THNSL2: variants seen among roughly 807,000 people sequenced by gnomAD.
THNSL2 encodes threonine synthase like 2, also known as threonine synthase-like 2.
THNSL2 carries 34 observed loss-of-function variants against 40.0 expected under a neutral mutation model. That is an observed-to-expected ratio of 0.85 (90% CI 0.65 to 1.13). THNSL2 has a LOEUF of 1.13. Among genes scored for constraint, THNSL2 ranks in the 50% most tolerant of loss-of-function variants. The probability of loss-of-function intolerance (pLI) is 0.00; values close to 1 mark genes in which losing one functional copy is unlikely to be tolerated. For missense variants in THNSL2, 537 were observed against 608.8 expected (o/e 0.88, Z 1.24); for synonymous variants, 241 against 247.5 (o/e 0.97, Z 0.25).
At chr2:88,176,290 A>C (rs1383583562) in intron 4 of THNSL2, 2 of 152,206 alleles carry the variant, frequency 1.3e-5, no homozygotes, top group Non-Finnish European at 2.9e-5. Flanking sequence ...AGAAAGGCAA[A>C]AGCCATCTTT....
rs1676221899 is a variant in THNSL2 at position 88,170,389 on chromosome 2, G to C, written c.-80G>C. 2 of 145,304 alleles carry C rather than the reference G, an allele frequency of 1.4e-5. No homozygotes were observed. Among genetic ancestry groups the C allele is most frequent in the African/African-American group, 5.4e-5 (2 of 36,816 alleles). The allele number at this position is 145,304 out of a possible 1,614,324, so 9.0% of individuals were successfully genotyped here. A position where few individuals can be genotyped will look rare whatever the true frequency, so the allele number is the denominator to read the frequency against. On this transcript the variant is annotated 5_prime_UTR_variant, in exon 1 of 9. Transcript: ENST00000674334. ...TCGGGAGTGCGCACATTCGCAGCCC[G>C]GGCAGCCCTGCTGCGCACCGGGCCT...
In THNSL2 at chr2:88,185,360, G is replaced by A. The variant is rs1012608634; in HGVS notation, c.1110G>A (p.Ser370=). ...AGGCAGTGACATCCGTGTCAGTGTC[G>A]GATGAAGCCATCACCCAGACCATGG... The part of the protein sequence containing the change: ...LSEAVTSVSV[S]DEAITQTMGR... Residue 370 remains serine, a synonymous_variant, in exon 8 of 9, where the codon TCG becomes TCA. Coordinates refer to ENST00000674334, the MANE Select transcript of THNSL2 (RefSeq NM_018271.5). 3.2e-5 allele frequency: 51 copies of A among 1,613,776 alleles called. No homozygotes were observed. The highest frequency in any genetic ancestry group is 1.6e-4 in the Middle Eastern group (1 of 6,084).
rs761319469 is a variant in THNSL2 at position 88,174,708 on chromosome 2, G to A, written c.293G>A (p.Gly98Glu). The A allele has an allele frequency of 3.1e-6, 5 of 1,614,192 alleles. No individual in the cohort carries two copies. The Admixed American group carries it at 6.7e-5, about 22-fold the overall frequency. Residue 98 changes from glycine to glutamate, a missense_variant, in exon 3 of 9, where the codon GGG (glycine) becomes GAG (glutamate). Coordinates refer to ENST00000674334, the MANE Select transcript of THNSL2 (RefSeq NM_018271.5). ...GTCCATCTGTCCAGGTTGAGGAATGGGCTGAACGTGTTGGAGCTGTGGCAT... is the reference window on the plus strand; with the variant it reads ...GTCCATCTGTCCAGGTTGAGGAATGAGCTGAACGTGTTGGAGCTGTGGCAT... ...EVVHLSRLRN[G>E]LNVLELWHGV... is the part of the protein sequence containing the mutation.
At position 88,170,352 on chromosome 2, in the gene THNSL2, A is replaced by T. The variant is rs1179639503; in HGVS notation, c.-117A>T. ...CGACCGGAAGCCCCACCGCACCGTC[A>T]GGGACGCGGACTCGGGAGTGCGCAC... On this transcript the variant is annotated 5_prime_UTR_variant, in exon 1 of 9. Transcript: ENST00000674334. 6.9e-6 allele frequency: 1 copy of T among 144,862 alleles called. No homozygotes were observed. The highest frequency in any genetic ancestry group is 1.5e-5 in the Non-Finnish European group (1 of 66,650). 9.0% of individuals were successfully genotyped at this position (144,862 alleles called of 1,614,324 possible). A position where few individuals can be genotyped will look rare whatever the true frequency, so the allele number is the denominator to read the frequency against.
chr2:88,173,796 C>T (rs1297238665), intron 2 of THNSL2, among the ~76,000 whole-genome samples: 2 of 152,166 alleles, frequency 1.3e-5, no homozygotes, highest in Non-Finnish European at 2.9e-5. Flanking sequence ...CCTGGACCAG[C>T]TTGTCTTAAG....
At chr2:88,183,115 A>C (rs1233238999) in intron 7 of THNSL2, 42 bp downstream of exon 7, 41 of 1,591,100 alleles carry the variant, frequency 2.6e-5, no homozygotes, top group Non-Finnish European at 3.4e-5. Flanking sequence ...GAAAGGGTAC[A>C]GCCACATAGC....
At chr2:88,176,875 G>C (rs1676991588) in intron 4 of THNSL2, 1 of 152,216 alleles carries the variant, frequency 6.6e-6, no homozygotes, top group Admixed American at 6.5e-5. Context: ...TAGTGCACAA[G>C]ATTCAGGCTC....
At chr2:88,183,298 A>G in intron 7 of THNSL2, 1 of 497,442 alleles carries the variant, frequency 2.0e-6, no homozygotes, top group Non-Finnish European at 3.4e-6. Context: ...GAGCTCTGAG[A>G]CATTGGGCTA....
chr2:88,182,855 TGG>T lies in THNSL2; in HGVS notation c.951+12_951+13del, dbSNP rs1677843163. ...TCAGCTATGGACATTCAGGTAGGCCTGGGGGAGGTGTGCAGATCTGGCCCAGG... is the reference window on the plus strand; with the variant it reads ...TCAGCTATGGACATTCAGGTAGGCCTGGGAGGTGTGCAGATCTGGCCCAGG... On this transcript the variant is annotated intron_variant, in intron 6 of 8. Transcript: ENST00000674334. 3.1e-6 allele frequency: 5 copies of T among 1,613,806 alleles called. No homozygotes were observed. In the East Asian group the frequency reaches 1.1e-4, roughly 36 times the overall value.
Position 88,183,126 on chromosome 2 carries a change from A to C in THNSL2, c.1077+53A>C. 5 of 1,580,040 alleles carry C rather than the reference A, an allele frequency of 3.2e-6. No homozygotes were observed. In the South Asian group the frequency reaches 5.6e-5, roughly 18 times the overall value. ...AAAGGAAAGGGTACAGCCACATAGCAGACTTGGGGTTTGGAAGTCTGGTCA... is the reference window on the plus strand; with the variant it reads ...AAAGGAAAGGGTACAGCCACATAGCCGACTTGGGGTTTGGAAGTCTGGTCA... On this transcript the variant is annotated intron_variant, in intron 7 of 8. Transcript: ENST00000674334.
At chr2:88,170,751 C>T (rs1400671067) in intron 1 of THNSL2, among the ~76,000 whole-genome samples, 1 of 152,006 alleles carries the variant, frequency 6.6e-6, no homozygotes, top group African/African-American at 2.4e-5. Context: ...GCCTGCGAGT[C>T]CCTTGAGGAT....
At chr2:88,179,135 A>G (rs1044633209) in intron 5 of THNSL2, 122 bp downstream of exon 5, 10 of 1,007,020 alleles carry the variant, frequency 9.9e-6, no homozygotes, top group Admixed American at 4.0e-5. Flanking sequence ...TCTGAAGGTG[A>G]TGGGAAACCC....
rs770794392 is a variant in THNSL2 at position 88,186,543 on chromosome 2, C to G, written c.*420C>G. 3.0e-5 allele frequency: 6 copies of G among 199,006 alleles called. No individual in the cohort carries two copies. Among genetic ancestry groups the G allele is most frequent in the Admixed American group, 1.0e-4 (2 of 19,186 alleles). The allele number at this position is 199,006 out of a possible 1,614,324, so 12.3% of individuals were successfully genotyped here. On this transcript the variant is annotated 3_prime_UTR_variant, in exon 9 of 9. Transcript: ENST00000674334. The stretch of plus-strand genomic sequence containing the variant: ...GTTGATTTTGGCCCCCAAACCAAAT[C>G]CAAAGGTTCTGGCCCACCTTGTCAG...
chr2:88,176,194 A>T (rs1326941194), intron 4 of THNSL2: 4 of 152,226 alleles, frequency 2.6e-5, no homozygotes, highest in Non-Finnish European at 5.9e-5. Flanking sequence ...CTAAATATTT[A>T]AAATAGGGAA....
At chr2:88,181,119 TCTCCTCTCTCTCC>T (rs1558895028) in intron 5 of THNSL2, among the ~76,000 whole-genome samples, 3 of 32,202 alleles carry the variant, frequency 9.3e-5, no homozygotes, top group Non-Finnish European at 1.0e-4. Context: ...CTCCTCTCTC[TCTCCTCTCTCTCC>T]TCTCTCTCTC....
At chr2:88,179,065 C>G (rs1454989299) in intron 5 of THNSL2, 52 bp downstream of exon 5, 3 of 1,573,394 alleles carry the variant, frequency 1.9e-6, no homozygotes, top group African/African-American at 1.4e-5. Context: ...GCCTGTGGCC[C>G]CAGTCCTTCT....
At chr2:88,173,740 T>C (rs1372666539) in intron 2 of THNSL2, among the ~76,000 whole-genome samples, 1 of 152,204 alleles carries the variant, frequency 6.6e-6, no homozygotes, top group Non-Finnish European at 1.5e-5. Flanking sequence ...CCCAAATTGC[T>C]ATTTTATTTT....
chr2:88,170,414 T>TCGCGCCCCGCGCCCCGCGCCTCGCGCCC lies in THNSL2; in HGVS notation c.-35_-34insTCGCGCCCCGCGCCCCGCGCCCCGCGCC, dbSNP rs1676231033. 1 of 149,054 alleles carries TCGCGCCCCGCGCCCCGCGCCTCGCGCCC rather than the reference T, an allele frequency of 6.7e-6. No homozygotes were observed. The highest frequency in any genetic ancestry group is 1.5e-5 in the Non-Finnish European group (1 of 66,960). The allele number at this position is 149,054 out of a possible 1,614,324, so 9.2% of individuals were successfully genotyped here. On this transcript the variant is annotated 5_prime_UTR_variant, in exon 1 of 9. Transcript: ENST00000674334. The stretch of plus-strand genomic sequence containing the variant: ...GGGCAGCCCTGCTGCGCACCGGGCC[T>TCGCGCCCCGCGCCCCGCGCCTCGCGCCC]CGCGCCCCGCGCCCCGCGCCCCGCG...
At chr2:88,181,134 CT>C (rs1429093429) in intron 5 of THNSL2, among the ~76,000 whole-genome samples, 4 of 412 alleles carry the variant, frequency 9.7e-3, no homozygotes, top group Admixed American at 0.067. Flanking sequence ...TCTCTCTCCT[CT>C]CTCTCTCCTC....
Sources: allele counts gnomAD v4.1 joint callset (sites outside exome capture counted in the v4.1 genomes callset), GRCh38; gene constraint gnomAD v4.1.1; transcripts MANE v1.5; gene names NCBI Gene and HGNC (gene_info 2026-07-23, HGNC 2026-07-21).